HMOX2: variants seen among roughly 807,000 people sequenced by gnomAD.
HMOX2 encodes heme oxygenase 2.
Under a neutral mutation model 33.7 loss-of-function variants are expected in HMOX2, and 30 were observed. The observed-to-expected ratio is 0.89, with a 90% CI of 0.67 to 1.21. HMOX2 has a LOEUF of 1.21. HMOX2 is among the 50% of genes most tolerant of loss of function. The pLI, the probability that HMOX2 is intolerant of heterozygous loss-of-function variation, is 0.00. For missense variants in HMOX2, 403 were observed against 399.1 expected (o/e 1.01, Z -0.08); for synonymous variants, 155 against 155.0 (o/e 1.00, Z 0.00).
intron 1 of HMOX2, among the ~76,000 whole-genome samples, chr16:4,482,873 CA>C (rs1218835048): frequency 6.6e-6 from 1 of 151,836 alleles, no homozygotes; most frequent in Admixed American, 6.6e-5. Context: ...AGTAAAAATA[CA>C]AAAAAATTAG....
intron 1 of HMOX2, among the ~76,000 whole-genome samples, chr16:4,501,470 T>C (rs1315575704): frequency 3.3e-5 from 5 of 152,234 alleles, no homozygotes; most frequent in Non-Finnish European, 5.9e-5. Context: ...GTTTTTTTCC[T>C]AACATCATAG....
intron 1 of HMOX2, among the ~76,000 whole-genome samples, chr16:4,488,127 CAAAA>C (rs60429116): frequency 0.13 from 9,220 of 69,222 alleles, 518 homozygotes; most frequent in African/African-American, 0.23. Context: ...AACTCCATCT[CAAAA>C]AAAAAAAAAA....
intron 1 of HMOX2, among the ~76,000 whole-genome samples, chr16:4,484,536 C>G (rs1206285200): frequency 6.7e-6 from 1 of 148,938 alleles, no homozygotes; most frequent in Non-Finnish European, 1.5e-5. Context: ...TTTCGGCTCA[C>G]TGCAATCTCC....
At chr16:4,475,847 G>A (rs1183652557), upstream of HMOX2, 1 of 152,130 alleles carries the variant, frequency 6.6e-6, no homozygotes, top group Non-Finnish European at 1.5e-5. Flanking sequence ...GTTAAGGCAG[G>A]AGAATCGCTT....
chr16:4,505,443 T>G, intron 1 of HMOX2, 41 bp from the exon 2 acceptor site: 1 of 987,308 alleles, frequency 1.0e-6, no homozygotes, highest in Non-Finnish European at 1.5e-6. Context: ...GGGAAGTGAC[T>G]GCCGTGGGTG....
chr16:4,492,175 A>G (rs2058321013), intron 1 of HMOX2, among the ~76,000 whole-genome samples: 1 of 152,050 alleles, frequency 6.6e-6, no homozygotes, highest in South Asian at 2.1e-4. Flanking sequence ...TATGTCTACA[A>G]AATACTTTTT....
At chr16:4,502,046 G>A (rs547682154) in intron 1 of HMOX2, among the ~76,000 whole-genome samples, 2 of 152,234 alleles carry the variant, frequency 1.3e-5, no homozygotes, top group African/African-American at 4.8e-5. Flanking sequence ...ATTTGAAGTC[G>A]TGGACAGCAG....
rs753571806 is a variant in HMOX2, at chr16:4,507,001, G to A, written c.193G>A (p.Glu65Lys). The A allele has an allele frequency of 6.2e-6, 10 of 1,607,022 alleles. No homozygotes were observed. The highest frequency in any genetic ancestry group is 8.5e-6 in the Non-Finnish European group (10 of 1,173,532). Residue 65 changes from glutamate to lysine, a missense_variant, in exon 3 of 6, where the codon GAG (glutamate) becomes AAG (lysine). Coordinates refer to ENST00000570646, the MANE Select transcript of HMOX2 (RefSeq NM_002134.4). ...KDFLKGNIKK[E>K]LFKLATTALY... ...CTTCTTGAAAGGCAACATTAAGAAG[G>A]AGCTGTTTAAGGTTTGTGCCCCGCA...
At chr16:4,489,081 C>T (rs963966358) in intron 1 of HMOX2, among the ~76,000 whole-genome samples, 39 of 152,062 alleles carry the variant, frequency 2.6e-4, no homozygotes, top group African/African-American at 9.4e-4. Flanking sequence ...GCAAGTAACA[C>T]AGTGTTATGC....
intron 1 of HMOX2, among the ~76,000 whole-genome samples, chr16:4,491,620 C>T (rs528858672): frequency 6.6e-6 from 1 of 152,124 alleles, no homozygotes; most frequent in East Asian, 1.9e-4. Flanking sequence ...CCACTGCGCT[C>T]CAGCCTGGGT....
chr16:4,496,134 T>G (rs1246634947), intron 1 of HMOX2: 1 of 152,714 alleles, frequency 6.5e-6, no homozygotes, highest in African/African-American at 2.4e-5. Flanking sequence ...TTCTTTTTTT[T>G]TTTTTTTTTA....
intron 1 of HMOX2, among the ~76,000 whole-genome samples, chr16:4,490,763 A>T (rs769641660): frequency 2.6e-5 from 4 of 152,196 alleles, no homozygotes; most frequent in African/African-American, 9.7e-5. Context: ...GATAAAGGTG[A>T]CTAACAATCT....
At chr16:4,507,366 A>G (rs943776234) in intron 3 of HMOX2, among the ~76,000 whole-genome samples, 1 of 151,058 alleles carries the variant, frequency 6.6e-6, no homozygotes, top group Non-Finnish European at 1.5e-5. Context: ...AGTCACTTGA[A>G]CCTGGGAGGC....
intron 1 of HMOX2, among the ~76,000 whole-genome samples, chr16:4,497,961 C>A (rs767042331): frequency 2.6e-5 from 4 of 151,526 alleles, no homozygotes; most frequent in Non-Finnish European, 5.9e-5. Flanking sequence ...AGTTGTTTTG[C>A]TTTTGCCTGC....
intron 1 of HMOX2, among the ~76,000 whole-genome samples, chr16:4,497,713 T>C (rs1489399643): frequency 6.6e-6 from 1 of 152,224 alleles, no homozygotes; most frequent in Non-Finnish European, 1.5e-5. Flanking sequence ...TAAAAAAGCC[T>C]GCAAGAAAAG....
chr16:4,499,782 C>T (rs770684265), intron 1 of HMOX2, among the ~76,000 whole-genome samples: 2 of 152,096 alleles, frequency 1.3e-5, no homozygotes, highest in Non-Finnish European at 2.9e-5. Context: ...CACTGTACCC[C>T]ATAAATATAA....
intron 1 of HMOX2, among the ~76,000 whole-genome samples, chr16:4,494,112 C>T (rs949440316): frequency 6.6e-6 from 1 of 151,866 alleles, no homozygotes; most frequent in East Asian, 1.9e-4. Context: ...GTCAGGAGAT[C>T]GAGACCATCC....
rs778110021 is a variant in HMOX2, at chr16:4,507,698, C to T, written c.205-15C>T. 2 of 1,609,704 alleles carry T rather than the reference C, an allele frequency of 1.2e-6. No homozygotes were observed. Among genetic ancestry groups the T allele is most frequent in the East Asian group, 4.5e-5 (2 of 44,840 alleles). ...GTGCTCAGGCATAGCTGGCCTCCTC[C>T]TGTCACCTCCACAGCTGGCCACCAC... On this transcript the variant is annotated splice_polypyrimidine_tract_variant and intron_variant, in intron 3 of 5. Coordinates refer to ENST00000570646, the MANE Select transcript of HMOX2 (RefSeq NM_002134.4).
chr16:4,495,650 C>T (rs534286854), intron 1 of HMOX2: 1 of 152,358 alleles, frequency 6.6e-6, no homozygotes, highest in African/African-American at 2.4e-5. Context: ...TGTTAACATA[C>T]TTTCTATCCA....
Sources: gnomAD v4.1 joint callset for allele counts (sites outside exome capture counted in the v4.1 genomes callset) on GRCh38, gnomAD v4.1.1 for gene constraint, MANE v1.5 for transcripts, NCBI Gene and HGNC (gene_info 2026-07-23, HGNC 2026-07-21) for gene names.